PTPN23: variants seen among roughly 807,000 people sequenced by gnomAD.
The protein encoded by PTPN23 is tyrosine-protein phosphatase non-receptor type 23.
In PTPN23, 72 loss-of-function variants were observed where a neutral mutation model predicts 156.3. That is an observed-to-expected ratio of 0.46 (90% CI 0.38 to 0.56). The LOEUF is 0.56. PTPN23 is among the 20% of genes least tolerant of loss of function. The pLI is 0.00. For missense variants in PTPN23, 1,974 were observed against 2,171.5 expected (o/e 0.91, Z 1.81); for synonymous variants, 957 against 899.6 (o/e 1.06, Z -1.14).
intron 1 of PTPN23, among the ~76,000 whole-genome samples, chr3:47,392,087 TG>T (rs1559519638): frequency 6.6e-6 from 1 of 152,154 alleles, no homozygotes; most frequent in Non-Finnish European, 1.5e-5. Flanking sequence ...GGTTTTGCCA[TG>T]TTGCCCAGGC....
intron 1 of PTPN23, among the ~76,000 whole-genome samples, chr3:47,382,686 T>C (rs1426493249): frequency 1.8e-4 from 17 of 94,826 alleles, no homozygotes; most frequent in African/African-American, 2.6e-4. Context: ...TTTTCTTTTT[T>C]TTTTTTTTTT....
chr3:47,396,239 T>C (rs1164155587), intron 2 of PTPN23, 22 bp downstream of exon 2: 2 of 1,584,602 alleles, frequency 1.3e-6, no homozygotes, highest in South Asian at 1.1e-5. Context: ...GTATTATCTT[T>C]TTATGCATGG....
In PTPN23 at chr3:47,409,047, C is replaced by A; in HGVS notation, c.1602C>A (p.Asp534Glu). 6.2e-7 allele frequency: 1 copy of A among 1,613,714 alleles called. No individual in the cohort carries two copies. The highest frequency in any genetic ancestry group is 8.5e-7 in the Non-Finnish European group (1 of 1,179,928). ...GNLRLLSGPL[D>E]QVRAALPTPA... is the part of the protein sequence containing the mutation. The stretch of plus-strand genomic sequence containing the variant: ...TGCGCCTGCTCAGCGGGCCGCTTGA[C>A]CAGGTCCGGGCTGCCCTGCCCACAC... The change falls in exon 16 of 25, where the codon GAC (aspartate) becomes GAA (glutamate). Residue 534 changes from aspartate to glutamate, a missense_variant. This residue lies in a region of PTPN23 where 726 missense variants were observed against 929.5 expected (regional missense o/e 0.78). Transcript: ENST00000265562.
At chr3:47,395,012 A>G (rs369651242) in intron 1 of PTPN23, among the ~76,000 whole-genome samples, 2 of 152,324 alleles carry the variant, frequency 1.3e-5, no homozygotes, top group East Asian at 1.9e-4. Flanking sequence ...GGTTTGGGAA[A>G]GGGTTGCTTG....
intron 2 of PTPN23, among the ~76,000 whole-genome samples, chr3:47,402,210 TA>T (rs1159743566): frequency 1.3e-5 from 2 of 152,218 alleles, no homozygotes; most frequent in African/African-American, 4.8e-5. Flanking sequence ...ATGTTTAATA[TA>T]AATACATAAA....
At position 47,400,963 on chromosome 3, in the gene PTPN23, C is replaced by T. The variant is rs532577538; in HGVS notation, c.160-3689C>T. ...TGTTGCCCAGGCTGGAGTGCAGTGGCGCAATCTCGGCTTACTGCAAGCTCC... is the reference window on the plus strand; with the variant it reads ...TGTTGCCCAGGCTGGAGTGCAGTGGTGCAATCTCGGCTTACTGCAAGCTCC... On this transcript the variant is annotated intron_variant, in intron 2 of 24. Transcript: ENST00000265562. Among the ~76,000 whole-genome samples the T allele has an allele frequency of 3.2e-4, 48 of 151,710 alleles. No individual in the cohort carries two copies. In the South Asian group the frequency reaches 5.0e-3, roughly 16 times the overall value.
chr3:47,400,656 C>T (rs891470198), intron 2 of PTPN23, among the ~76,000 whole-genome samples: 1 of 152,200 alleles, frequency 6.6e-6, no homozygotes, highest in Admixed American at 6.5e-5. Flanking sequence ...TCACCACAAC[C>T]TCTGCCTCCA....
Position 47,408,507 on chromosome 3 carries a change from G to A in PTPN23, c.1330+17G>A, listed in dbSNP as rs1238360269. 3 of 1,601,182 alleles carry A rather than the reference G, an allele frequency of 1.9e-6. No individual in the cohort carries two copies. The East Asian group carries it at 6.7e-5, about 36-fold the overall frequency. ...CCATGCAAGGTGAGTAAGGGGCAGA[G>A]CAAGCAGGTGGAAGGGAGTGTGGAG... On this transcript the variant is annotated intron_variant, in intron 15 of 24. Transcript: ENST00000265562.
chr3:47,382,098 T>C (rs1368619791), intron 1 of PTPN23, among the ~76,000 whole-genome samples: 1 of 152,164 alleles, frequency 6.6e-6, no homozygotes, highest in East Asian at 1.9e-4. Context: ...AGCGAGACGC[T>C]TGGGAAGACA....
At chr3:47,403,328 A>G (rs1265321330) in intron 2 of PTPN23, among the ~76,000 whole-genome samples, 1 of 151,550 alleles carries the variant, frequency 6.6e-6, no homozygotes, top group Non-Finnish European at 1.5e-5. Context: ...CTGGGATTAC[A>G]GGCGTGAGCC....
In PTPN23 at chr3:47,407,813, T is replaced by C; in HGVS notation, c.1118+2T>C. 1 of 1,613,546 alleles carries C rather than the reference T, an allele frequency of 6.2e-7. No homozygotes were observed. The highest frequency in any genetic ancestry group is 8.5e-7 in the Non-Finnish European group (1 of 1,179,818). ...CCACGAGGCCTCGTCACTGTACAGG[T>C]GGGTGGAGGGTGGCACAGAGGGAGG... On this transcript the variant is annotated splice_donor_variant, in intron 13 of 24. Transcript: ENST00000265562. LOFTEE classifies it high-confidence loss of function. This position sits in a 1 kb window ranked among gnomAD's most constrained non-coding sequence, Gnocchi z 4.0.
chr3:47,406,879 C>A lies in PTPN23; in HGVS notation c.807+129C>A. 1 of 1,303,818 alleles carries A rather than the reference C, an allele frequency of 7.7e-7. No homozygotes were observed. The highest frequency in any genetic ancestry group is 1.1e-6 in the Non-Finnish European group (1 of 933,376). 80.8% of individuals were successfully genotyped at this position (1,303,818 alleles called of 1,614,324 possible). The stretch of plus-strand genomic sequence containing the variant: ...CCCTGGCCATCACCCTGCTGGAGGC[C>A]TGGTGTCTTAAGTGTTGTCCCATCT... On this transcript the variant is annotated intron_variant, in intron 9 of 24. Coordinates refer to ENST00000265562, the MANE Select transcript of PTPN23 (RefSeq NM_015466.4). The surrounding 1 kb of genome is among the most constrained non-coding windows in gnomAD (Gnocchi z 5.8).
Position 47,412,832 on chromosome 3 carries a change from T to C in PTPN23, c.4558T>C (p.Leu1520=), listed in dbSNP as rs1261381999. ...GGGGTTGGAGTCCCCGGTTGCCAGC[T>C]TGCCAGGCCCTGCAGAGCCCCCAGG... ...PGGLESPVAS[L]PGPAEPPGLP... The change falls in exon 25 of 25, where the codon TTG becomes CTG. Residue 1520 remains leucine, a synonymous_variant. Coordinates refer to ENST00000265562, the MANE Select transcript of PTPN23 (RefSeq NM_015466.4). The C allele has an allele frequency of 6.2e-7, 1 of 1,613,342 alleles. No individual in the cohort carries two copies. Among genetic ancestry groups the C allele is most frequent in the African/African-American group, 1.3e-5 (1 of 74,914 alleles).
At chr3:47,389,495 C>A (rs971166384) in intron 1 of PTPN23, among the ~76,000 whole-genome samples, 1 of 152,094 alleles carries the variant, frequency 6.6e-6, no homozygotes, top group African/African-American at 2.4e-5. Context: ...TAGCTCACGC[C>A]TGTAATCCCA....
At position 47,411,694 on chromosome 3, in the gene PTPN23, G is replaced by A. The variant is rs1179973723; in HGVS notation, c.3888+8G>A. 1 of 1,600,560 alleles carries A rather than the reference G, an allele frequency of 6.2e-7. No homozygotes were observed. The stretch of plus-strand genomic sequence containing the variant: ...GAGGCTGAGATGGAGAAGGTGAGAA[G>A]AGGGGGTGGGTGCCCACGAGGGCAG... On this transcript the variant is annotated splice_region_variant and intron_variant, in intron 20 of 24. Coordinates refer to ENST00000265562, the MANE Select transcript of PTPN23 (RefSeq NM_015466.4). The surrounding 1 kb of genome is among the most constrained non-coding windows in gnomAD (Gnocchi z 6.3).
At chr3:47,381,420 C>T (rs1357137418) in intron 1 of PTPN23, among the ~76,000 whole-genome samples, 1 of 152,230 alleles carries the variant, frequency 6.6e-6, no homozygotes, top group East Asian at 1.9e-4. Context: ...CGGTTCCCGA[C>T]TTCTGCCCCG....
At chr3:47,399,562 C>T (rs1182348588) in intron 2 of PTPN23, among the ~76,000 whole-genome samples, 1 of 152,184 alleles carries the variant, frequency 6.6e-6, no homozygotes, top group Non-Finnish European at 1.5e-5. Context: ...ACGCAACACA[C>T]CCTAGAAGGA....
In PTPN23 at chr3:47,411,194, G is replaced by A; in HGVS notation, c.3396G>A (p.Gln1132=). 2 of 1,603,968 alleles carry A rather than the reference G, an allele frequency of 1.2e-6. No homozygotes were observed. The highest frequency in any genetic ancestry group is 1.7e-6 in the Non-Finnish European group (2 of 1,177,804). Residue 1132 remains glutamine (Q), a synonymous_variant, in exon 20 of 25, where the codon CAG becomes CAA. Coordinates refer to ENST00000265562, the MANE Select transcript of PTPN23 (RefSeq NM_015466.4). The surrounding 1 kb of genome is among the most constrained non-coding windows in gnomAD (Gnocchi z 6.3). ...SSPESQHGGT[Q]SPGGGQPLLQ... ...CGGAGAGCCAGCATGGCGGCACTCA[G>A]TCTCCTGGGGGTGGGCAGCCCCTGC...
intron 1 of PTPN23, among the ~76,000 whole-genome samples, chr3:47,390,788 T>C (rs1270480596): frequency 6.6e-6 from 1 of 152,188 alleles, no homozygotes; most frequent in African/African-American, 2.4e-5. Flanking sequence ...ACTGACTCAC[T>C]GTGTGGCCAG....
Sources: gnomAD v4.1 joint callset for allele counts (sites outside exome capture counted in the v4.1 genomes callset) on GRCh38, gnomAD v4.1.1 for gene constraint, gnomAD v4.1.1 regional missense constraint, Gnocchi (gnomAD v3.1) non-coding constraint, MANE v1.5 for transcripts, NCBI Gene and HGNC (gene_info 2026-07-23, HGNC 2026-07-21) for gene names.